The following LRRC28 variants were observed in gnomAD, a reference collection of about 807,000 sequenced individuals.
LRRC28 encodes leucine rich repeat containing 28.
LRRC28 carries 39 observed loss-of-function variants against 45.7 expected under a neutral mutation model. That is an observed-to-expected ratio of 0.85 (90% CI 0.66 to 1.12). LRRC28 has a LOEUF of 1.12. LRRC28 is among the 50% of genes most tolerant of loss of function. The pLI is 0.00. For missense variants in LRRC28, 435 were observed against 438.5 expected (o/e 0.99, Z 0.07); for synonymous variants, 206 against 178.8 (o/e 1.15, Z -1.22).
intron 3 of LRRC28, among the ~76,000 whole-genome samples, chr15:99,280,977 G>A (rs2081770937): frequency 6.6e-6 from 1 of 151,126 alleles, no homozygotes; most frequent in Non-Finnish European, 1.5e-5. Flanking sequence ...CTTCTTCAGT[G>A]TCTAATGTAC....
chr15:99,312,074 TAAAAC>T (rs1955434252), intron 5 of LRRC28, among the ~76,000 whole-genome samples: 2 of 152,292 alleles, frequency 1.3e-5, no homozygotes, highest in South Asian at 4.1e-4. Flanking sequence ...TAAAGGAAGT[TAAAAC>T]AATACACAAA....
intron 8 of LRRC28, 70 bp downstream of exon 8, chr15:99,361,581 T>C: frequency 7.0e-7 from 1 of 1,438,672 alleles, no homozygotes; most frequent in East Asian, 2.4e-5. Flanking sequence ...TGCACCTGTT[T>C]TGGCGTTCAT....
At chr15:99,277,440 C>T (rs2081648391) in intron 3 of LRRC28, among the ~76,000 whole-genome samples, 1 of 152,038 alleles carries the variant, frequency 6.6e-6, no homozygotes, top group African/African-American at 2.4e-5. Flanking sequence ...CCTTTTCTAC[C>T]TGTCTCCTAC....
intron 6 of LRRC28, among the ~76,000 whole-genome samples, chr15:99,343,317 T>G: frequency 6.6e-6 from 1 of 152,262 alleles, no homozygotes; most frequent in Non-Finnish European, 1.5e-5. Context: ...TTCTGTCCTC[T>G]CCTGTGCTGT....
In LRRC28 at chr15:99,368,996, C is replaced by T. The variant is rs1042829676; in HGVS notation, c.1031+5731C>T. ...ATATCCAAGTTATCACTTACAAATTCTGCTTTCCATCCAACAGAACACAAT... is the reference window on the plus strand; with the variant it reads ...ATATCCAAGTTATCACTTACAAATTTTGCTTTCCATCCAACAGAACACAAT... On this transcript the variant is annotated intron_variant, in intron 9 of 9. Transcript: ENST00000301981. Among the ~76,000 whole-genome samples, 4 of 152,294 alleles carry T rather than the reference C, an allele frequency of 2.6e-5. No individual in the cohort carries two copies. The South Asian group carries it at 6.2e-4, about 24-fold the overall frequency.
chr15:99,317,853 T>A (rs1955652331), intron 5 of LRRC28, among the ~76,000 whole-genome samples: 1 of 152,212 alleles, frequency 6.6e-6, no homozygotes, highest in South Asian at 2.1e-4. Flanking sequence ...CATACAAGTT[T>A]TATTGTTCTT....
chr15:99,324,123 A>C (rs1955891054), intron 5 of LRRC28, among the ~76,000 whole-genome samples: 1 of 152,168 alleles, frequency 6.6e-6, no homozygotes, highest in East Asian at 1.9e-4. Flanking sequence ...AATAGCACTC[A>C]ACCTTATATC....
At chr15:99,346,221 G>T (rs1956677147) in intron 6 of LRRC28, among the ~76,000 whole-genome samples, 1 of 152,124 alleles carries the variant, frequency 6.6e-6, no homozygotes, top group African/African-American at 2.4e-5. Context: ...CTGTCACCCA[G>T]GCTAGCGTGC....
chr15:99,282,017 C>G (rs1195075027), intron 3 of LRRC28, among the ~76,000 whole-genome samples: 1 of 151,930 alleles, frequency 6.6e-6, no homozygotes, highest in Non-Finnish European at 1.5e-5. Context: ...GTCTTGAATT[C>G]TTGTCCTCAA....
At chr15:99,251,926 C>G (rs928892709) in intron 1 of LRRC28, 2 of 152,206 alleles carry the variant, frequency 1.3e-5, no homozygotes, top group Admixed American at 1.3e-4. Context: ...GCTTATAGTT[C>G]TCTAATCTCC....
At chr15:99,285,402 AAACCCAAAGCCC>A in intron 3 of LRRC28, 1 of 750,292 alleles carries the variant, frequency 1.3e-6, no homozygotes, top group East Asian at 2.5e-5. Flanking sequence ...GTATAGTGAC[AAACCCAAAGCCC>A]CTGGCGTGCT....
intron 9 of LRRC28, among the ~76,000 whole-genome samples, chr15:99,380,737 AAAATCTC>A (rs1488054895): frequency 6.6e-6 from 1 of 152,242 alleles, no homozygotes; most frequent in African/African-American, 2.4e-5. Context: ...TGGTGGTGAC[AAAATCTC>A]TCAGCATTTG....
chr15:99,279,912 C>A (rs561855306), intron 3 of LRRC28, among the ~76,000 whole-genome samples: 2 of 152,160 alleles, frequency 1.3e-5, no homozygotes, highest in African/African-American at 4.8e-5. Flanking sequence ...ATTAGCTGTT[C>A]CATTTTACAT....
intron 2 of LRRC28, chr15:99,257,935 G>A: frequency 1.3e-6 from 1 of 772,046 alleles, no homozygotes; most frequent in Non-Finnish European, 2.4e-6. Flanking sequence ...ATTTTCCTTA[G>A]AGAACTGATT....
At chr15:99,300,639 CA>C (rs1341353402) in intron 5 of LRRC28, among the ~76,000 whole-genome samples, 1 of 152,028 alleles carries the variant, frequency 6.6e-6, no homozygotes, top group Non-Finnish European at 1.5e-5. Flanking sequence ...CCAGCCTGGC[CA>C]ACATGGTGAA....
At chr15:99,305,364 A>G (rs891634283) in intron 5 of LRRC28, among the ~76,000 whole-genome samples, 1 of 152,214 alleles carries the variant, frequency 6.6e-6, no homozygotes, top group African/African-American at 2.4e-5. Context: ...TGTAATTTCT[A>G]AACTCTGATA....
chr15:99,283,093 A>G (rs113044287), intron 3 of LRRC28, among the ~76,000 whole-genome samples: 4,173 of 151,994 alleles, frequency 0.027, 200 homozygotes, highest in African/African-American at 0.095. Context: ...AGGTTTCTCC[A>G]TGTTGGTCAG....
intron 1 of LRRC28, among the ~76,000 whole-genome samples, chr15:99,253,103 A>G (rs904539407): frequency 3.3e-5 from 5 of 149,562 alleles, no homozygotes; most frequent in Non-Finnish European, 5.9e-5. Flanking sequence ...CACCAGGGGA[A>G]TTACTTTGGG....
In LRRC28 at chr15:99,259,524, C is replaced by A. The variant is rs1455993144; in HGVS notation, c.168+3399C>A. 3.4e-6 allele frequency: 4 copies of A among 1,186,428 alleles called. No homozygotes were observed. The East Asian group carries it at 9.3e-5, about 28-fold the overall frequency. 73.5% of individuals were successfully genotyped at this position (1,186,428 alleles called of 1,614,324 possible). A position where few individuals can be genotyped will look rare whatever the true frequency, so the allele number is the denominator to read the frequency against. ...GACAAGATTGAAAAGGCTATGGTATCTCAGTGCCTGACAGAATCTCTGTGT... is the reference window on the plus strand; with the variant it reads ...GACAAGATTGAAAAGGCTATGGTATATCAGTGCCTGACAGAATCTCTGTGT... On this transcript the variant is annotated intron_variant, in intron 2 of 9. Transcript: ENST00000301981.
Sources: gnomAD v4.1 joint callset for allele counts (sites outside exome capture counted in the v4.1 genomes callset) on GRCh38, gnomAD v4.1.1 for gene constraint, MANE v1.5 for transcripts, NCBI Gene and HGNC (gene_info 2026-07-23, HGNC 2026-07-21) for gene names.